Variants in ATG13 observed in about 807,000 individuals in gnomAD.
ATG13 encodes autophagy related 13, also known as autophagy-related protein 13.
ATG13 carries 23 observed loss-of-function variants against 65.5 expected under a neutral mutation model. The ratio of observed to expected loss-of-function variants is 0.35; its 90% CI spans 0.25 to 0.50. The LOEUF is 0.50. ATG13 is among the 20% of genes least tolerant of loss of function. The pLI, the probability that ATG13 is intolerant of heterozygous loss-of-function variation, is 0.98. For missense variants in ATG13, 566 were observed against 677.0 expected, an observed-to-expected ratio of 0.84 and a Z score of 1.82; for synonymous variants, 252 against 245.2, an observed-to-expected ratio of 1.03 and a Z score of -0.26.
chr11:46,656,831 A>G (rs550965027), intron 8 of ATG13: 28 of 441,988 alleles, frequency 6.3e-5, no homozygotes, highest in Non-Finnish European at 1.0e-4. Context: ...AGGTAGCTTT[A>G]TCTATAAATA....
intron 7 of ATG13, 29 bp downstream of exon 7, chr11:46,650,346 C>T (rs768518895): frequency 6.2e-7 from 1 of 1,601,596 alleles, no homozygotes; most frequent in South Asian, 1.1e-5. Flanking sequence ...CATCTTGATT[C>T]ACTCATCAAC....
intron 10 of ATG13, 161 bp from the exon 11 acceptor site, chr11:46,659,231 T>C (rs2060648730): frequency 1.7e-6 from 1 of 571,576 alleles, no homozygotes; most frequent in Non-Finnish European, 3.1e-6. Flanking sequence ...CTCTCTGGAA[T>C]GTTTGAAATT....
At chr11:46,652,268 G>T (rs892633614) in intron 7 of ATG13, among the ~76,000 whole-genome samples, 1 of 151,710 alleles carries the variant, frequency 6.6e-6, no homozygotes, top group Admixed American at 6.6e-5. Flanking sequence ...AAACAAACTA[G>T]TGCTGCTCAC....
intron 11 of ATG13, 98 bp downstream of exon 11, chr11:46,659,583 TG>T: frequency 1.1e-6 from 1 of 947,726 alleles, no homozygotes; most frequent in East Asian, 2.5e-5. Flanking sequence ...CTTTTAATAG[TG>T]GTGGTGATTG....
intron 4 of ATG13, 56 bp from the exon 5 acceptor site, chr11:46,645,814 C>G: frequency 4.4e-6 from 7 of 1,608,226 alleles, no homozygotes; most frequent in Non-Finnish European, 6.0e-6. Flanking sequence ...ACACTAATTT[C>G]TTTTTCCATA....
In ATG13 at chr11:46,673,048, T is replaced by G. The variant is rs573771157; in HGVS notation, c.*716T>G. ...AATGGCACCCTGAATCTCTAGGATTTTGTCACTTGGAGTCACAGCAAAGTT... is the reference window on the plus strand; with the variant it reads ...AATGGCACCCTGAATCTCTAGGATTGTGTCACTTGGAGTCACAGCAAAGTT... On this transcript the variant is annotated 3_prime_UTR_variant, in exon 19 of 19. Transcript: ENST00000683050. The G allele has an allele frequency of 5.0e-6, 1 of 200,774 alleles. No individual in the cohort carries two copies. The highest frequency in any genetic ancestry group is 1.0e-5 in the Non-Finnish European group (1 of 96,112). The allele number at this position is 200,774 out of a possible 1,614,324, so 12.4% of individuals were successfully genotyped here.
At chr11:46,628,125 C>T (rs1182658293) in intron 1 of ATG13, among the ~76,000 whole-genome samples, 1 of 151,166 alleles carries the variant, frequency 6.6e-6, no homozygotes, top group African/African-American at 2.4e-5. Context: ...GCATTTTGGC[C>T]AGGCATGGTA....
In ATG13 at chr11:46,617,740, C is replaced by T. The variant is rs367698316; in HGVS notation, c.-220C>T. On this transcript the variant is annotated 5_prime_UTR_variant, in exon 1 of 19. Transcript: ENST00000683050. Reference sequence around the variant, plus strand: ...CGTCTGGGGCCTGCGAGCCAGGACCCTTCTGAAGCCTTAGGTGTCTATCGG... The same window carrying T: ...CGTCTGGGGCCTGCGAGCCAGGACCTTTCTGAAGCCTTAGGTGTCTATCGG... The T allele has an allele frequency of 5.0e-6, 2 of 398,616 alleles. No individual in the cohort carries two copies. Among genetic ancestry groups the T allele is most frequent in the Non-Finnish European group, 8.9e-6 (2 of 225,968 alleles). 24.7% of individuals were successfully genotyped at this position (398,616 alleles called of 1,614,324 possible). A position where few individuals can be genotyped will look rare whatever the true frequency, so the allele number is the denominator to read the frequency against.
rs377546024 is a variant in ATG13 at position 46,657,600 on chromosome 11, C to G, written c.673C>G (p.Pro225Ala). The G allele has an allele frequency of 1.4e-5, 22 of 1,605,882 alleles. No homozygotes were observed. Among genetic ancestry groups the G allele is most frequent in the Non-Finnish European group, 1.8e-5 (21 of 1,176,512 alleles). ...GGACCGTCCCTATCCCAGCTCCTCT[C>G]CCATGCACCCCTGCAATTACAGGTG... ...FVDRPYPSSS[P>A]MHPCNYRTAG... is the part of the protein sequence containing the mutation. The change falls in exon 10 of 19, where the codon CCC becomes GCC. Residue 225 changes from proline (P) to alanine (A), a missense_variant. By Grantham distance (27) the Pro-to-Ala change is conservative. Transcript: ENST00000683050.
At chr11:46,659,355 C>A (rs757021857) in intron 10 of ATG13, 37 bp from the exon 11 acceptor site, 5 of 1,527,596 alleles carry the variant, frequency 3.3e-6, no homozygotes, top group Admixed American at 3.4e-5. Flanking sequence ...TGACTGCCAC[C>A]ACCATAAAAT....
chr11:46,654,963 G>C (rs574811777), intron 7 of ATG13, among the ~76,000 whole-genome samples: 1 of 152,064 alleles, frequency 6.6e-6, no homozygotes, highest in Non-Finnish European at 1.5e-5. Flanking sequence ...GCCAGGCATG[G>C]TAGCGCATAC....
At chr11:46,645,310 GATTTCT>G in intron 3 of ATG13, 23 bp from the exon 4 acceptor site, 2 of 1,593,094 alleles carry the variant, frequency 1.3e-6, no homozygotes, top group Non-Finnish European at 1.7e-6. Context: ...ATCATTTTAG[GATTTCT>G]TTTGTGTTTT....
intron 4 of ATG13, 48 bp from the exon 5 acceptor site, chr11:46,645,822 A>G (rs200971376): frequency 9.3e-6 from 15 of 1,610,434 alleles, no homozygotes; most frequent in Non-Finnish European, 1.2e-5. Flanking sequence ...TTCTTTTTCC[A>G]TAATGTTCCT....
intron 2 of ATG13, among the ~76,000 whole-genome samples, chr11:46,630,656 T>C (rs1366785932): frequency 6.8e-6 from 1 of 146,646 alleles, no homozygotes; most frequent in Admixed American, 6.9e-5. Flanking sequence ...CACTGCAGCC[T>C]TGACCTTCCA....
At chr11:46,643,553 T>G (rs2056742106) in intron 2 of ATG13, among the ~76,000 whole-genome samples, 1 of 152,054 alleles carries the variant, frequency 6.6e-6, no homozygotes, top group Non-Finnish European at 1.5e-5. Context: ...TTCATGCTCG[T>G]CTCTCTCTAA....
chr11:46,648,777 TA>T (rs540301936), intron 5 of ATG13: 2,605 of 118,852 alleles, frequency 0.022, 41 homozygotes, highest in African/African-American at 0.059. Context: ...ACTCTGTCTT[TA>T]AAAAAAAAAA....
chr11:46,648,823 T>C (rs1333236692), intron 5 of ATG13: 1 of 185,060 alleles, frequency 5.4e-6, no homozygotes, highest in Non-Finnish European at 1.1e-5. Context: ...ACAACCTTTA[T>C]GTCCAAGAAT....
In ATG13 at chr11:46,664,861, C is replaced by T. The variant is rs367689476; in HGVS notation, c.901C>T (p.Arg301Cys). ...LAFSHQLSSS[R>C]LSYQPAALGV... is the part of the protein sequence containing the mutation. ...TTCTCTTGCTTAGCTCTCAAGCTCT[C>T]GCCTTTCCTATCAGCCTGCTGCCCT... Residue 301 changes from arginine to cysteine, a missense_variant, in exon 13 of 19, where the codon CGC (arginine) becomes TGC (cysteine). Arg to Cys is a radical substitution (Grantham distance 180, BLOSUM62 -3). This residue lies in a region of ATG13 where 387 missense variants were observed against 409.8 expected (regional missense o/e 0.94). Transcript: ENST00000683050. 4.3e-6 allele frequency: 7 copies of T among 1,613,830 alleles called. No homozygotes were observed. Among genetic ancestry groups the T allele is most frequent in the Admixed American group, 1.7e-5 (1 of 60,016 alleles).
intron 2 of ATG13, among the ~76,000 whole-genome samples, chr11:46,635,978 C>G (rs951009118): frequency 2.0e-5 from 3 of 152,084 alleles, no homozygotes; most frequent in African/African-American, 7.2e-5. Context: ...CAGGGCCTTG[C>G]TCTGTCACCC....
Sources: gnomAD v4.1 joint callset for allele counts (sites outside exome capture counted in the v4.1 genomes callset) on GRCh38, gnomAD v4.1.1 for gene constraint, gnomAD v4.1.1 regional missense constraint, MANE v1.5 for transcripts, NCBI Gene and HGNC (gene_info 2026-07-23, HGNC 2026-07-21) for gene names.